Variants in GPC5 observed in about 807,000 individuals in gnomAD.
GPC5 encodes glypican-5.
A neutral mutation model predicts 53.9 loss-of-function variants in GPC5; 47 were observed. That is an observed-to-expected ratio of 0.87 (90% CI 0.69 to 1.11). The LOEUF (loss-of-function observed/expected upper bound fraction) is 1.11. Ranked by LOEUF, GPC5 falls within the 50% of genes most tolerant of loss-of-function variation. The probability of loss-of-function intolerance (pLI) is 0.00; values close to 1 mark genes in which losing one functional copy is unlikely to be tolerated. For synonymous variants in GPC5, 286 were observed against 263.3 expected (o/e 1.09, Z -0.84); for missense variants, 748 against 713.1 (o/e 1.05, Z -0.56).
At chr13:91,940,693 G>T (rs1406606081) in intron 6 of GPC5, among the ~76,000 whole-genome samples, 5 of 152,058 alleles carry the variant, frequency 3.3e-5, no homozygotes, top group Non-Finnish European at 7.4e-5. Context: ...CACTCTGACT[G>T]GAATGAAATG....
At chr13:91,575,687 C>T (rs2032105795) in intron 2 of GPC5, among the ~76,000 whole-genome samples, 1 of 151,896 alleles carries the variant, frequency 6.6e-6, no homozygotes, top group Admixed American at 6.6e-5. Context: ...TTCTTTAAAA[C>T]TTTTTTAGTT....
intron 7 of GPC5, among the ~76,000 whole-genome samples, chr13:92,363,467 A>G (rs1365835194): frequency 6.6e-6 from 1 of 151,718 alleles, no homozygotes; most frequent in African/African-American, 2.4e-5. Context: ...AGATTCTCAT[A>G]AGGAGTACAC....
In GPC5 at chr13:91,578,755, T is replaced by A. The variant is rs759372464; in HGVS notation, c.326-114432T>A. Among the ~76,000 whole-genome samples, 40 of 152,216 alleles carry A rather than the reference T, an allele frequency of 2.6e-4. 1 individual carries two copies. The highest frequency in any genetic ancestry group is 3.4e-3 in the Middle Eastern group (1 of 294). On this transcript the variant is annotated intron_variant, in intron 2 of 7. Coordinates refer to ENST00000377067, the MANE Select transcript of GPC5 (RefSeq NM_004466.6). ...CAAAGTAGTAAGTAATTAACGAATG[T>A]AAATTTTAGGCCGGGTGCGGTGGCT...
At position 92,107,233 on chromosome 13, in the gene GPC5, C is replaced by T. The variant is rs550707878; in HGVS notation, c.1402-37597C>T. Among the ~76,000 whole-genome samples the T allele has an allele frequency of 2.0e-4, 30 of 152,000 alleles. 1 individual carries two copies. The highest frequency in any genetic ancestry group is 3.2e-4 in the Non-Finnish European group (22 of 67,908). On this transcript the variant is annotated intron_variant, in intron 6 of 7. Transcript: ENST00000377067. Reference sequence around the variant, plus strand: ...CTTTGCTTAGTTTTTTCAAGTTCAACAAGACCCTTCTCTCCCTTCAAGGAA... The same window carrying T: ...CTTTGCTTAGTTTTTTCAAGTTCAATAAGACCCTTCTCTCCCTTCAAGGAA...
chr13:91,893,673 T>G (rs1428832595), intron 5 of GPC5, among the ~76,000 whole-genome samples: 1 of 152,146 alleles, frequency 6.6e-6, no homozygotes, highest in Non-Finnish European at 1.5e-5. Context: ...CATGACTAAA[T>G]TCTATGACCC....
intron 7 of GPC5, among the ~76,000 whole-genome samples, chr13:92,367,633 T>A (rs1345969535): frequency 6.6e-6 from 1 of 152,234 alleles, no homozygotes; most frequent in Non-Finnish European, 1.5e-5. Flanking sequence ...TTACCATTTT[T>A]ACCTTCATCC....
At chr13:92,615,888 C>T (rs1374297382) in intron 7 of GPC5, among the ~76,000 whole-genome samples, 1 of 152,020 alleles carries the variant, frequency 6.6e-6, no homozygotes, top group African/African-American at 2.4e-5. Flanking sequence ...CCCGTCTCTA[C>T]TAAAAGTACA....
chr13:91,899,571 A>T (rs1347330100), intron 5 of GPC5, among the ~76,000 whole-genome samples: 1 of 152,138 alleles, frequency 6.6e-6, no homozygotes, highest in East Asian at 1.9e-4. Flanking sequence ...TCCAAAATTT[A>T]TGTCCACTAG....
At chr13:91,428,621 C>G (rs1879220879) in intron 1 of GPC5, among the ~76,000 whole-genome samples, 1 of 152,094 alleles carries the variant, frequency 6.6e-6, no homozygotes, top group Non-Finnish European at 1.5e-5. Context: ...GGGGACCTGT[C>G]CCTGTCTACC....
chr13:91,641,422 T>C (rs1440561586), intron 2 of GPC5, among the ~76,000 whole-genome samples: 3 of 151,560 alleles, frequency 2.0e-5, no homozygotes, highest in Non-Finnish European at 4.4e-5. Flanking sequence ...CAAGAACACA[T>C]GGACACGGAG....
intron 5 of GPC5, among the ~76,000 whole-genome samples, chr13:91,899,397 G>A (rs554863788): frequency 6.6e-6 from 1 of 152,104 alleles, no homozygotes; most frequent in East Asian, 1.9e-4. Context: ...AATTTAAGAG[G>A]TGTACTTGTG....
chr13:92,771,412 G>A lies in GPC5; in HGVS notation c.1562-94870G>A, dbSNP rs562521351. ...GGCTGGAGTCCAGTGGCGTGATTTC[G>A]GCTCACTGCAACCTCCGCCCCTCCA... On this transcript the variant is annotated intron_variant, in intron 7 of 7. Coordinates refer to ENST00000377067, the MANE Select transcript of GPC5 (RefSeq NM_004466.6). Among the ~76,000 whole-genome samples, 51 of 152,038 alleles carry A rather than the reference G, an allele frequency of 3.4e-4. 1 individual carries two copies. The highest frequency in any genetic ancestry group is 9.7e-4 in the East Asian group (5 of 5,148).
At chr13:91,604,389 T>C (rs1379452975) in intron 2 of GPC5, among the ~76,000 whole-genome samples, 2 of 151,676 alleles carry the variant, frequency 1.3e-5, no homozygotes, top group African/African-American at 4.9e-5. Context: ...TCTTTGCTAT[T>C]GTGAATAATG....
At chr13:92,363,355 C>G (rs763899231) in intron 7 of GPC5, among the ~76,000 whole-genome samples, 2 of 151,518 alleles carry the variant, frequency 1.3e-5, no homozygotes, top group East Asian at 3.9e-4. Flanking sequence ...CACCAGGGAC[C>G]GGTTTTGTGG....
chr13:91,870,352 G>A (rs2039130850), intron 5 of GPC5, among the ~76,000 whole-genome samples: 1 of 152,124 alleles, frequency 6.6e-6, no homozygotes, highest in African/African-American at 2.4e-5. Context: ...TCACTCCTGA[G>A]GGTTGTCTGC....
At chr13:91,634,578 G>A (rs550345200) in intron 2 of GPC5, among the ~76,000 whole-genome samples, 2 of 152,040 alleles carry the variant, frequency 1.3e-5, no homozygotes, top group South Asian at 4.1e-4. Flanking sequence ...GATCAAGTAC[G>A]TTCTATTATT....
intron 7 of GPC5, among the ~76,000 whole-genome samples, chr13:92,282,657 A>C (rs367776780): frequency 1.3e-5 from 2 of 152,200 alleles, no homozygotes; most frequent in South Asian, 2.1e-4. Flanking sequence ...TCATAAGTGA[A>C]GGAGAAATAA....
At chr13:92,261,958 G>A (rs530240443) in intron 7 of GPC5, among the ~76,000 whole-genome samples, 1 of 152,250 alleles carries the variant, frequency 6.6e-6, no homozygotes, top group East Asian at 1.9e-4. Context: ...AATGGTGTGA[G>A]ATAGGTATAC....
At chr13:92,336,864 C>G (rs2043327253) in intron 7 of GPC5, among the ~76,000 whole-genome samples, 1 of 152,158 alleles carries the variant, frequency 6.6e-6, no homozygotes, top group African/African-American at 2.4e-5. Context: ...GGGAATCTCT[C>G]TATGTCACCC....
Sources: gnomAD v4.1 joint callset for allele counts (sites outside exome capture counted in the v4.1 genomes callset) on GRCh38, gnomAD v4.1.1 for gene constraint, MANE v1.5 for transcripts, NCBI Gene and HGNC (gene_info 2026-07-23, HGNC 2026-07-21) for gene names.